The following NDUFS4 variants were observed in gnomAD, a reference collection of about 807,000 sequenced individuals.
The protein encoded by NDUFS4 is NADH:ubiquinone oxidoreductase subunit S4.
Under a neutral mutation model 24.3 loss-of-function variants are expected in NDUFS4, and 28 were observed. The observed-to-expected ratio is 1.15, with a 90% CI of 0.85 to 1.58. The LOEUF (loss-of-function observed/expected upper bound fraction) is 1.58. Among genes scored for constraint, NDUFS4 ranks in the 40% most tolerant of loss-of-function variants. The pLI, the probability that NDUFS4 is intolerant of heterozygous loss-of-function variation, is 0.00. For synonymous variants in NDUFS4, 93 were observed against 69.7 expected (o/e 1.34, Z -1.67); for missense variants, 223 against 207.9 (o/e 1.07, Z -0.45).
In NDUFS4 at chr5:53,635,154, C is replaced by T. The variant is rs535129275; in HGVS notation, c.178-11079C>T. The stretch of plus-strand genomic sequence containing the variant: ...GCAGTGAGCTGAGATCACGCCATTG[C>T]ACTCCAGACTGGGCAACAGAGCAAA... On this transcript the variant is annotated intron_variant, in intron 2 of 4. Coordinates refer to ENST00000296684, the MANE Select transcript of NDUFS4 (RefSeq NM_002495.4). Among the ~76,000 whole-genome samples, 71 of 152,040 alleles carry T rather than the reference C, an allele frequency of 4.7e-4. 1 individual carries two copies. The South Asian group carries it at 6.9e-3, about 15-fold the overall frequency.
chr5:53,579,132 G>A (rs1749476325), intron 1 of NDUFS4, among the ~76,000 whole-genome samples: 2 of 152,164 alleles, frequency 1.3e-5, no homozygotes, highest in African/African-American at 4.8e-5. Context: ...ATTCTTGAAA[G>A]ATTCTTCCCT....
chr5:53,584,817 G>C (rs1749690637), intron 1 of NDUFS4, among the ~76,000 whole-genome samples: 1 of 151,784 alleles, frequency 6.6e-6, no homozygotes, highest in African/African-American at 2.4e-5. Flanking sequence ...GCCCAAGGTG[G>C]AGTGCTGTGG....
At chr5:53,676,839 T>C (rs256095) in intron 4 of NDUFS4, among the ~76,000 whole-genome samples, 120,862 of 152,154 alleles carry the variant, frequency 0.79, 48,245 homozygotes, top group African/African-American at 0.87. Flanking sequence ...CGTGAATTCA[T>C]GAAAGATTTT....
intron 2 of NDUFS4, among the ~76,000 whole-genome samples, chr5:53,635,449 A>G (rs1352954985): frequency 6.6e-6 from 1 of 151,994 alleles, no homozygotes; most frequent in Non-Finnish European, 1.5e-5. Flanking sequence ...GAGCCCAGAA[A>G]CTCAAGGTTG....
At position 53,646,240 on chromosome 5, in the gene NDUFS4, C is replaced by T; in HGVS notation, c.185C>T (p.Thr62Ile). 6.2e-7 allele frequency: 1 copy of T among 1,608,292 alleles called. No homozygotes were observed. The highest frequency in any genetic ancestry group is 2.2e-5 in the East Asian group (1 of 44,696). The change falls in exon 3 of 5, where the codon ACT (threonine) becomes ATT (isoleucine). Residue 62 changes from threonine to isoleucine, a missense_variant. Physicochemically the swap from Thr to Ile is moderately conservative, Grantham distance 89. Transcript: ENST00000296684. ...LITVDEKLDI[T>I]TLTGVPEEHI... is the part of the protein sequence containing the mutation. Reference sequence around the variant, plus strand: ...TTTCTTGTTTTTCTGTAGGATATCACTACTTTAACTGGAGTTCCAGAAGAG... The same window carrying T: ...TTTCTTGTTTTTCTGTAGGATATCATTACTTTAACTGGAGTTCCAGAAGAG...
In NDUFS4 at chr5:53,683,166, A is replaced by G. The variant is rs1262604421; in HGVS notation, c.473A>G (p.Lys158Arg). The change falls in exon 5 of 5, where the codon AAG (lysine) becomes AGG (arginine). Residue 158 changes from lysine (K) to arginine (R), a missense_variant. Coordinates refer to ENST00000296684, the MANE Select transcript of NDUFS4 (RefSeq NM_002495.4). ...AGGAAGGTTCCAAAACCCAAGTCCAAGTCTTATGGTGCAAACTTTTCTTGG... is the reference window on the plus strand; with the variant it reads ...AGGAAGGTTCCAAAACCCAAGTCCAGGTCTTATGGTGCAAACTTTTCTTGG... ...EERKVPKPKS[K>R]SYGANFSWNK... 1.2e-6 allele frequency: 2 copies of G among 1,612,698 alleles called. No individual in the cohort carries two copies. Among genetic ancestry groups the G allele is most frequent in the African/African-American group, 1.3e-5 (1 of 74,854 alleles).
intron 1 of NDUFS4, among the ~76,000 whole-genome samples, chr5:53,595,311 T>G (rs1253471837): frequency 2.0e-5 from 3 of 152,210 alleles, no homozygotes; most frequent in African/African-American, 4.8e-5. Context: ...CTATTGTATT[T>G]AATTTATAAG....
intron 2 of NDUFS4, among the ~76,000 whole-genome samples, chr5:53,608,415 T>A (rs1269036771): frequency 2.0e-5 from 3 of 152,214 alleles, no homozygotes; most frequent in Non-Finnish European, 2.9e-5. Flanking sequence ...GAAAAATTTC[T>A]CTGTAGCATG....
At chr5:53,586,597 A>G (rs1049245037) in intron 1 of NDUFS4, among the ~76,000 whole-genome samples, 3 of 152,080 alleles carry the variant, frequency 2.0e-5, no homozygotes, top group Non-Finnish European at 2.9e-5. Context: ...ATCTTGGCTC[A>G]CTGCAAGCTC....
At chr5:53,618,866 C>T (rs1181822032) in intron 2 of NDUFS4, among the ~76,000 whole-genome samples, 1 of 152,028 alleles carries the variant, frequency 6.6e-6, no homozygotes, top group Non-Finnish European at 1.5e-5. Flanking sequence ...GTAATCCTAG[C>T]ACTTTGGGAG....
At chr5:53,589,649 A>G (rs541026571) in intron 1 of NDUFS4, among the ~76,000 whole-genome samples, 2 of 152,320 alleles carry the variant, frequency 1.3e-5, no homozygotes, top group East Asian at 1.9e-4. Flanking sequence ...GATGCAAAGT[A>G]TTGATCCTGG....
chr5:53,597,270 C>T (rs950749109), intron 1 of NDUFS4, among the ~76,000 whole-genome samples: 14 of 152,086 alleles, frequency 9.2e-5, no homozygotes, highest in African/African-American at 3.1e-4. Flanking sequence ...TTCTAAGAGA[C>T]AGGGAGTGAA....
intron 4 of NDUFS4, among the ~76,000 whole-genome samples, chr5:53,662,586 G>T (rs1304057196): frequency 6.6e-6 from 1 of 152,080 alleles, no homozygotes; most frequent in East Asian, 1.9e-4. Flanking sequence ...GCTCCTCCTT[G>T]TACCTCTGGT....
intron 2 of NDUFS4, among the ~76,000 whole-genome samples, chr5:53,616,634 A>G (rs1012437023): frequency 6.6e-6 from 1 of 152,148 alleles, no homozygotes; most frequent in Non-Finnish European, 1.5e-5. Flanking sequence ...GAGGAGAATG[A>G]TATAAAATGA....
chr5:53,578,459 T>G (rs973281255), intron 1 of NDUFS4, among the ~76,000 whole-genome samples: 1 of 152,174 alleles, frequency 6.6e-6, no homozygotes, highest in African/African-American at 2.4e-5. Flanking sequence ...ATTCTTACCC[T>G]TCTCATACTT....
chr5:53,633,417 C>G (rs1371030277), intron 2 of NDUFS4, among the ~76,000 whole-genome samples: 1 of 152,110 alleles, frequency 6.6e-6, no homozygotes, highest in East Asian at 1.9e-4. Context: ...TGAGAGTTGC[C>G]TTACCTATAC....
chr5:53,612,772 G>A (rs1251517443), intron 2 of NDUFS4, among the ~76,000 whole-genome samples: 1 of 152,108 alleles, frequency 6.6e-6, no homozygotes, highest in Non-Finnish European at 1.5e-5. Flanking sequence ...TGCTGTGTTA[G>A]AATGTCTGTA....
chr5:53,622,939 A>G (rs189463582), intron 2 of NDUFS4, among the ~76,000 whole-genome samples: 274 of 152,196 alleles, frequency 1.8e-3, no homozygotes, highest in Non-Finnish European at 2.8e-3. Flanking sequence ...GTGTTATAGC[A>G]TGTGTCAGAA....
chr5:53,683,019 A>ATTAAG lies in NDUFS4; in HGVS notation c.425-90_425-86dup, dbSNP rs202026757. 912 of 824,046 alleles carry ATTAAG rather than the reference A, an allele frequency of 1.1e-3. 9 individuals are homozygous for ATTAAG. In the African/African-American group the frequency reaches 0.013, roughly 12 times the overall value. 51.0% of individuals were successfully genotyped at this position (824,046 alleles called of 1,614,324 possible). A position where few individuals can be genotyped will look rare whatever the true frequency, so the allele number is the denominator to read the frequency against. On this transcript the variant is annotated intron_variant, in intron 4 of 4. Transcript: ENST00000296684. ...CATATACTCTTGATGATAAATGAAC[A>ATTAAG]TTAAGTTAAGTTATAAAAGCTAGCC...
Sources: allele counts gnomAD v4.1 joint callset (sites outside exome capture counted in the v4.1 genomes callset), GRCh38; gene constraint gnomAD v4.1.1; transcripts MANE v1.5; gene names NCBI Gene and HGNC (gene_info 2026-07-23, HGNC 2026-07-21).